The following EEF2 variants were observed in gnomAD, a reference collection of about 807,000 sequenced individuals.
EEF2 encodes the protein eukaryotic translation elongation factor 2.
A neutral mutation model predicts 85.3 loss-of-function variants in EEF2; 21 were observed. That is an observed-to-expected ratio of 0.25 (90% CI 0.17 to 0.35). EEF2 has a LOEUF of 0.35. Among genes scored for constraint, EEF2 ranks in the 10% least tolerant of loss-of-function variants. The pLI is 1.00. For missense variants in EEF2, 825 were observed against 1,225.3 expected (o/e 0.67, Z 4.88); for synonymous variants, 723 against 508.8 (o/e 1.42, Z -5.67).
At position 3,983,276 on chromosome 19, in the gene EEF2, G is replaced by A; in HGVS notation, c.234C>T (p.Phe78=). The part of the protein sequence containing the change: ...ITIKSTAISL[F]YELSENDLNF... ...TCAAGTCATTCTCCGAGAGCTCGTA[G>A]AAGAGGGAGATGGCACTGATGGAGG... The change falls in exon 3 of 15, where the codon TTC becomes TTT. Residue 78 remains phenylalanine (F), a synonymous_variant. Transcript: ENST00000309311. 6.2e-7 allele frequency: 1 copy of A among 1,613,652 alleles called. No individual in the cohort carries two copies. Among genetic ancestry groups the A allele is most frequent in the South Asian group, 1.1e-5 (1 of 91,028 alleles).
chr19:3,976,763 A>G lies in EEF2; in HGVS notation c.2384-16T>C. Reference sequence around the variant, plus strand: ...GCGGTGAAGCCTGCAGAGGGAAGCGAGAGGCTCACTGGGCCATCGAGAAGG... The same window carrying G: ...GCGGTGAAGCCTGCAGAGGGAAGCGGGAGGCTCACTGGGCCATCGAGAAGG... On this transcript the variant is annotated splice_polypyrimidine_tract_variant and intron_variant, in intron 14 of 14. Transcript: ENST00000309311. The G allele has an allele frequency of 6.5e-7, 1 of 1,538,060 alleles. No homozygotes were observed. Among genetic ancestry groups the G allele is most frequent in the Non-Finnish European group, 8.7e-7 (1 of 1,148,812 alleles).
chr19:3,980,471 C>T lies in EEF2; in HGVS notation c.1346+43G>A, dbSNP rs1260735065. 4 of 1,584,298 alleles carry T rather than the reference C, an allele frequency of 2.5e-6. No individual in the cohort carries two copies. In the South Asian group the frequency reaches 4.5e-5, roughly 18 times the overall value. ...CCCAAGACTTGGAGCAGGGCAGGGC[C>T]CGCAACAGTGCCAAGGGGCCTGCAC... On this transcript the variant is annotated intron_variant, in intron 9 of 14. Transcript: ENST00000309311.
rs1419524650 is a variant in EEF2 at position 3,978,119 on chromosome 19, C to T, written c.1767G>A (p.Val589=). 2 of 1,504,362 alleles carry T rather than the reference C, an allele frequency of 1.3e-6. No homozygotes were observed. The highest frequency in any genetic ancestry group is 2.4e-5 in the East Asian group (1 of 41,128). 93.2% of individuals were successfully genotyped at this position (1,504,362 alleles called of 1,614,324 possible). ...YRETVSEESN[V]LCLSKSPNKH... is the part of the protein sequence containing the mutation. ...TGTTGGGGGACTTGGAGAGGCAGAGCACGTTCGACTCTTCACTGACCGTCT... is the reference window on the plus strand; with the variant it reads ...TGTTGGGGGACTTGGAGAGGCAGAGTACGTTCGACTCTTCACTGACCGTCT... Residue 589 remains valine, a synonymous_variant, in exon 12 of 15, where the codon GTG becomes GTA. Coordinates refer to ENST00000309311, the MANE Select transcript of EEF2 (RefSeq NM_001961.4).
Position 3,977,259 on chromosome 19 carries a change from G to T in EEF2, c.2339C>A (p.Pro780His). ...VFEESQVAGT[P>H]MFVVKAYLPV... ...CAGATAGGCCTTGACCACAAACATG[G>T]GGGTGCCGGCCACCTGGGACTCCTC... The change falls in exon 14 of 15, where the codon CCC becomes CAC. Residue 780 changes from proline (P) to histidine (H), a missense_variant. Transcript: ENST00000309311. This position sits in a 1 kb window ranked among gnomAD's most constrained non-coding sequence, Gnocchi z 5.4. 6.2e-7 allele frequency: 1 copy of T among 1,613,392 alleles called. No individual in the cohort carries two copies. Among genetic ancestry groups the T allele is most frequent in the Non-Finnish European group, 8.5e-7 (1 of 1,179,770 alleles).
Position 3,978,077 on chromosome 19 carries a change from G to A in EEF2, c.1809C>T (p.Tyr603=). Residue 603 remains tyrosine (Y), a synonymous_variant, in exon 12 of 15, where the codon TAC becomes TAT. Transcript: ENST00000309311. ...CGTCGGGGAAGGGCCGCGCCTTCAT[G>A]TACAGCCGGTTGTGCTTGTTGGGGG... ...SKSPNKHNRL[Y]MKARPFPDGL... is the part of the protein sequence containing the mutation. The A allele has an allele frequency of 6.4e-7, 1 of 1,559,822 alleles. No individual in the cohort carries two copies.
chr19:3,979,547 G>C, intron 10 of EEF2, 111 bp from the exon 11 acceptor site: 3 of 1,054,502 alleles, frequency 2.8e-6, no homozygotes, highest in Non-Finnish European at 4.1e-6. Flanking sequence ...TTTCAGGGAA[G>C]GTGCTGGGAA....
At chr19:3,978,245 G>C (rs923316325) in intron 11 of EEF2, 73 bp from the exon 12 acceptor site, 2 of 1,322,748 alleles carry the variant, frequency 1.5e-6, no homozygotes, top group African/African-American at 1.5e-5. Flanking sequence ...ATCCTTAAAA[G>C]CTTTTCCTAG....
rs192209710 is a variant in EEF2, at chr19:3,983,736, G to A, written c.218+400C>T. 7.6e-4 allele frequency: 232 copies of A among 306,586 alleles called. 1 individual carries two copies. The highest frequency in any genetic ancestry group is 4.4e-3 in the African/African-American group (205 of 46,624). 19.0% of individuals were successfully genotyped at this position (306,586 alleles called of 1,614,324 possible). On this transcript the variant is annotated intron_variant, in intron 2 of 14. Coordinates refer to ENST00000309311, the MANE Select transcript of EEF2 (RefSeq NM_001961.4). ...AGCAGTTGGGGTCACCGTACTCTGC[G>A]CTCCCCCTACTCATATCGGGGCCAG...
At position 3,983,210 on chromosome 19, in the gene EEF2, G is replaced by A. The variant is rs773150810; in HGVS notation, c.300C>T (p.Ile100=). The A allele has an allele frequency of 1.2e-6, 2 of 1,614,082 alleles. No individual in the cohort carries two copies. Among genetic ancestry groups the A allele is most frequent in the South Asian group, 1.1e-5 (1 of 91,076 alleles). ...KQSKDGAGFL[I]NLIDSPGHVD... ...CATGCCCGGGGGAGTCAATGAGGTT[G>A]ATGAGGAAGCCGGCACCGTCCTTGC... Residue 100 remains isoleucine, a synonymous_variant, in exon 3 of 15, where the codon ATC becomes ATT. Coordinates refer to ENST00000309311, the MANE Select transcript of EEF2 (RefSeq NM_001961.4).
intron 1 of EEF2, 57 bp from the exon 2 acceptor site, chr19:3,984,407 A>G (rs2039793442): frequency 1.3e-6 from 2 of 1,579,458 alleles, no homozygotes; most frequent in South Asian, 2.2e-5. Flanking sequence ...ACAGCATGGC[A>G]CGGAGCGTTC....
At chr19:3,978,347 A>G (rs1430304645) in intron 11 of EEF2, among the ~76,000 whole-genome samples, 175 bp from the exon 12 acceptor site, 2 of 152,028 alleles carry the variant, frequency 1.3e-5, no homozygotes, top group African/African-American at 4.8e-5. Context: ...ACTCCAGACA[A>G]GGACAAGGAG....
chr19:3,978,528 G>A (rs868011625), intron 11 of EEF2, among the ~76,000 whole-genome samples: 4 of 151,596 alleles, frequency 2.6e-5, no homozygotes, highest in Admixed American at 6.6e-5. Flanking sequence ...CCCGGAGGCC[G>A]GGCGTGGTGG....
intron 9 of EEF2, among the ~76,000 whole-genome samples, chr19:3,980,292 C>A (rs2039729124): frequency 6.6e-6 from 1 of 152,250 alleles, no homozygotes; most frequent in African/African-American, 2.4e-5. Flanking sequence ...CCCACCTGTG[C>A]CCAGGGACAC....
intron 9 of EEF2, 46 bp downstream of exon 9, chr19:3,980,468 G>A: frequency 6.3e-7 from 1 of 1,576,016 alleles, no homozygotes; most frequent in South Asian, 1.1e-5. Context: ...AGCAGGGCAG[G>A]GCCCGCAACA....
intron 10 of EEF2, 147 bp from the exon 11 acceptor site, chr19:3,979,583 G>T: frequency 1.1e-6 from 1 of 919,206 alleles, no homozygotes; most frequent in Non-Finnish European, 1.6e-6. Flanking sequence ...AACTCCTGAA[G>T]AAATGTTAAG....
rs778222207 is a variant in EEF2, at chr19:3,980,938, C to T, written c.1053G>A (p.Leu351=). ...RRWLPAGDAL[L]QMITIHLPSP... is the part of the protein sequence containing the mutation. ...AGGGCAGGTGGATGGTGATCATCTG[C>T]AACAAGGCGTCTCCGGCAGGCAGCC... Residue 351 remains leucine (L), a synonymous_variant, in exon 8 of 15, where the codon TTG becomes TTA. Transcript: ENST00000309311. The T allele has an allele frequency of 1.3e-6, 2 of 1,573,368 alleles. No homozygotes were observed. The highest frequency in any genetic ancestry group is 2.3e-5 in the South Asian group (2 of 86,210).
chr19:3,976,199 C>A lies in EEF2; in HGVS notation c.*355G>T, dbSNP rs993530669. 3.7e-6 allele frequency: 1 copy of A among 267,082 alleles called. No homozygotes were observed. The highest frequency in any genetic ancestry group is 7.2e-6 in the Non-Finnish European group (1 of 138,230). 16.5% of individuals were successfully genotyped at this position (267,082 alleles called of 1,614,324 possible). ...TTTCTGGGGCAAAAGCCACTGCGGG[C>A]CATGTACCCAAATAAACCTCTTAAT... On this transcript the variant is annotated 3_prime_UTR_variant, in exon 15 of 15. Transcript: ENST00000309311.
chr19:3,982,134 T>C (rs1314599568), intron 5 of EEF2, 82 bp from the exon 6 acceptor site: 1 of 1,598,912 alleles, frequency 6.3e-7, no homozygotes, highest in Non-Finnish European at 8.6e-7. Flanking sequence ...GGGACATGCT[T>C]GGGCAAGACC....
In EEF2 at chr19:3,977,361, A is replaced by G. The variant is rs2305112; in HGVS notation, c.2251-14T>C. ...CTGCTCTGGACACTGCCAGAAGGGAAAGAAAACCTGTCAGTGGCCGCTGGG... is the reference window on the plus strand; with the variant it reads ...CTGCTCTGGACACTGCCAGAAGGGAGAGAAAACCTGTCAGTGGCCGCTGGG... On this transcript the variant is annotated splice_polypyrimidine_tract_variant and intron_variant, in intron 13 of 14. Coordinates refer to ENST00000309311, the MANE Select transcript of EEF2 (RefSeq NM_001961.4). The surrounding 1 kb of genome is among the most constrained non-coding windows in gnomAD (Gnocchi z 5.4). The G allele has an allele frequency of 2.2e-4, 348 of 1,591,440 alleles. 3 individuals are homozygous for G. In the East Asian group the frequency reaches 7.4e-3, roughly 34 times the overall value.
Sources: gnomAD v4.1 joint callset for allele counts (sites outside exome capture counted in the v4.1 genomes callset) on GRCh38, gnomAD v4.1.1 for gene constraint, Gnocchi (gnomAD v3.1) non-coding constraint, MANE v1.5 for transcripts, NCBI Gene and HGNC (gene_info 2026-07-23, HGNC 2026-07-21) for gene names.